RIF1: variants seen among roughly 807,000 people sequenced by gnomAD.
RIF1 encodes replication timing regulatory factor 1.
In RIF1, 45 loss-of-function variants were observed where a neutral mutation model predicts 247.1. That is an observed-to-expected ratio of 0.18 (90% CI 0.14 to 0.23). The LOEUF (loss-of-function observed/expected upper bound fraction) is 0.23, where lower values mean the gene tolerates loss of function less well. Ranked by LOEUF, RIF1 falls within the 10% of genes least tolerant of loss-of-function variation. RIF1 has a pLI of 1.00. For missense variants in RIF1, 2,967 were observed against 2,862.5 expected (o/e 1.04, Z -0.83); for synonymous variants, 1,087 against 978.8 (o/e 1.11, Z -2.06).
At position 151,464,448 on chromosome 2, in the gene RIF1, C is replaced by T. The variant is rs373435312; in HGVS notation, c.4928C>T (p.Pro1643Leu). Residue 1643 changes from proline (P) to leucine (L), a missense_variant, in exon 30 of 36, where the codon CCT (proline) becomes CTT (leucine). Physicochemically the swap from Pro to Leu is moderately conservative, Grantham distance 98. Coordinates refer to ENST00000444746, the MANE Select transcript of RIF1 (RefSeq NM_018151.5). The stretch of plus-strand genomic sequence containing the variant: ...GTAACTTCAGATTTGTTGCAAGTTC[C>T]TGATGATTTACCAAATGTGTGTGAG... ...STVTSDLLQV[P>L]DDLPNVCEEK... The T allele has an allele frequency of 9.9e-6, 16 of 1,613,484 alleles. No individual in the cohort carries two copies. Among genetic ancestry groups the T allele is most frequent in the African/African-American group, 1.3e-5 (1 of 74,912 alleles).
the RIF1 span, among the ~76,000 whole-genome samples, chr2:151,531,428 C>T: frequency 4.0e-5 from 6 of 150,774 alleles, no homozygotes; most frequent in Non-Finnish European, 5.9e-5. Context: ...GCAATTGTCA[C>T]GCCTCAGCCT....
chr2:151,447,032 C>T (rs1294786685), intron 20 of RIF1, among the ~76,000 whole-genome samples: 3 of 151,424 alleles, frequency 2.0e-5, no homozygotes, highest in Non-Finnish European at 4.4e-5. Flanking sequence ...CAAGCTCCGC[C>T]TCCCGGGTTC....
chr2:151,491,217 G>GA, intron 9 of RIF1: 1 of 157,826 alleles, frequency 6.3e-6, no homozygotes, highest in East Asian at 1.8e-4. Context: ...ACTGTTTGTA[G>GA]AAAAGGGGTC....
At position 151,434,503 on chromosome 2, in the gene RIF1, C is replaced by T. The variant is rs992073875; in HGVS notation, c.1078-960C>T. ...TTGCCCAGGCTAGGGTGCAGTGGCA[C>T]GATCTCGGCTCACTGCAAACTCCAC... On this transcript the variant is annotated intron_variant, in intron 10 of 35. Coordinates refer to ENST00000444746, the MANE Select transcript of RIF1 (RefSeq NM_018151.5). 3.6e-5 allele frequency among the ~76,000 whole-genome samples: 5 copies of T among 140,202 alleles called. No homozygotes were observed. The East Asian group carries it at 1.1e-3, about 31-fold the overall frequency. The allele number at this position is 140,202 out of a possible 152,430, so 92.0% of individuals were successfully genotyped here. A position where few individuals can be genotyped will look rare whatever the true frequency, so the allele number is the denominator to read the frequency against.
At position 151,491,775 on chromosome 2, in the gene RIF1, C is replaced by T. The variant is rs771909896; in HGVS notation, c.*416-3454C>T. On this transcript the variant is annotated intron_variant and NMD_transcript_variant, in intron 9 of 13. Transcript: ENST00000454583. ...AGGATTAGTACGCCAGACACGTAAA[C>T]CTGAAAGGGAAACCAGTGATCAGAA... 3.8e-6 allele frequency: 6 copies of T among 1,580,384 alleles called. No individual in the cohort carries two copies. In the East Asian group the frequency reaches 6.9e-5, roughly 18 times the overall value.
chr2:151,496,889 G>A (rs2060571419), intron 10 of RIF1: 15 of 1,466,734 alleles, frequency 1.0e-5, no homozygotes, highest in Non-Finnish European at 1.4e-5. Flanking sequence ...TTTAAATCAT[G>A]AAATAGTTTT....
chr2:151,498,458 G>A, intron 10 of RIF1: 4 of 737,630 alleles, frequency 5.4e-6, no homozygotes, highest in South Asian at 4.2e-5. Context: ...GTAAGTTAGA[G>A]GAAGAGAAAT....
chr2:151,495,447 G>GATGCGTGCTAATGCGTGCTA (rs3832166), intron 10 of RIF1: 2 of 151,218 alleles, frequency 1.3e-5, no homozygotes, highest in Non-Finnish European at 3.0e-5. Context: ...ACGTTATTCT[G>GATGCGTGCTAATGCGTGCTA]ATGCGTGCTA....
rs574448257 is a variant in RIF1 at position 151,443,113 on chromosome 2, T to C, written c.1735-146T>C. 5.2e-4 allele frequency: 310 copies of C among 601,072 alleles called. 2 individuals carry two copies. The South Asian group carries it at 6.6e-3, about 13-fold the overall frequency. 37.2% of individuals were successfully genotyped at this position (601,072 alleles called of 1,614,324 possible). On this transcript the variant is annotated intron_variant, in intron 16 of 35. Coordinates refer to ENST00000444746, the MANE Select transcript of RIF1 (RefSeq NM_018151.5). ...TTTGTGTGCAGTATATGGAAATAAT[T>C]TTACTAACATGGTTGTCATACCCTA...
downstream of RIF1, among the ~76,000 whole-genome samples, chr2:151,509,793 A>G (rs1474567091): frequency 6.6e-6 from 1 of 152,144 alleles, no homozygotes; most frequent in Non-Finnish European, 1.5e-5. Context: ...ACAACCAGCT[A>G]ATGATGGGGT....
intron 20 of RIF1, among the ~76,000 whole-genome samples, chr2:151,449,848 T>TA (rs1220351586): frequency 6.6e-6 from 1 of 151,542 alleles, no homozygotes; most frequent in Admixed American, 6.6e-5. Context: ...TGATGCCTTT[T>TA]TTTTTTTTTT....
At chr2:151,425,468 T>C (rs943030633) in intron 8 of RIF1, among the ~76,000 whole-genome samples, 2 of 152,074 alleles carry the variant, frequency 1.3e-5, no homozygotes, top group Non-Finnish European at 2.9e-5. Flanking sequence ...CCAGTGTCAT[T>C]TTTGTTTCCC....
chr2:151,444,931 A>T (rs1050302199), intron 18 of RIF1, among the ~76,000 whole-genome samples: 2 of 152,126 alleles, frequency 1.3e-5, no homozygotes, highest in African/African-American at 4.8e-5. Context: ...AGTTGGTAGG[A>T]TTGGTTTCTC....
At position 151,409,990 on chromosome 2, in the gene RIF1, G is replaced by A. The variant is rs778857135; in HGVS notation, c.-54G>A. 6 of 702,550 alleles carry A rather than the reference G, an allele frequency of 8.5e-6. No homozygotes were observed. The South Asian group carries it at 8.9e-5, about 10-fold the overall frequency. The allele number at this position is 702,550 out of a possible 1,614,324, so 43.5% of individuals were successfully genotyped here. ...AGTCGAGCTCTGGCAGCGTCTGGGT[G>A]CTGAGGGGCAGAGGCGGAGAGAACC... On this transcript the variant is annotated 5_prime_UTR_variant, in exon 1 of 36. Transcript: ENST00000444746.
intron 6 of RIF1, among the ~76,000 whole-genome samples, chr2:151,418,003 A>T (rs908387503): frequency 1.4e-4 from 22 of 152,158 alleles, no homozygotes; most frequent in South Asian, 2.1e-4. Flanking sequence ...AAAAAAGATT[A>T]AAAAATGGTA....
At chr2:151,487,421 A>G (rs2051688405) in intron 9 of RIF1, among the ~76,000 whole-genome samples, 1 of 152,204 alleles carries the variant, frequency 6.6e-6, no homozygotes, top group South Asian at 2.1e-4. Context: ...CATATATTCA[A>G]ATTCACAAAT....
In RIF1 at chr2:151,463,115, A is replaced by C; in HGVS notation, c.3595A>C (p.Ser1199Arg). 3 of 1,614,054 alleles carry C rather than the reference A, an allele frequency of 1.9e-6. No individual in the cohort carries two copies. The highest frequency in any genetic ancestry group is 2.5e-6 in the Non-Finnish European group (3 of 1,179,896). ...TACAGAAAATTCTTTCGTTGTCAGC[A>C]GTAGTTCAGTTTCTAATACCACTGT... ...SSTENSFVVS[S>R]SSVSNTTVAG... The change falls in exon 30 of 36, where the codon AGT becomes CGT. Residue 1199 changes from serine to arginine, a missense_variant. Physicochemically the swap from Ser to Arg is moderately radical, Grantham distance 110. Transcript: ENST00000444746.
At chr2:151,521,178 T>A in the RIF1 span, among the ~76,000 whole-genome samples, 1 of 152,152 alleles carries the variant, frequency 6.6e-6, no homozygotes, top group South Asian at 2.1e-4. Flanking sequence ...ACTTGACACA[T>A]CCAGCACAAC....
intron 9 of RIF1, chr2:151,490,005 A>G: frequency 6.2e-7 from 1 of 1,612,454 alleles, no homozygotes. Context: ...GATGGAAGAT[A>G]CCGTTGTCTG....
Sources: gnomAD v4.1 joint callset for allele counts (sites outside exome capture counted in the v4.1 genomes callset) on GRCh38, gnomAD v4.1.1 for gene constraint, MANE v1.5 for transcripts, NCBI Gene and HGNC (gene_info 2026-07-23, HGNC 2026-07-21) for gene names.